Variants in SLC35A2 observed in about 807,000 individuals in gnomAD.
SLC35A2 encodes the protein solute carrier family 35 member A2, also known as UDP-galactose translocator.
A neutral mutation model predicts 17.3 loss-of-function variants in SLC35A2; 1 was observed. The observed-to-expected ratio is 0.06, with a 90% confidence interval of 0.02 to 0.27. The LOEUF (loss-of-function observed/expected upper bound fraction) is 0.27, where lower values mean the gene tolerates loss of function less well. Among genes scored for constraint, SLC35A2 ranks in the 10% least tolerant of loss-of-function variants. SLC35A2 has a pLI of 1.00. For synonymous variants in SLC35A2, 161 were observed against 161.3 expected (o/e 1.00, Z 0.01); for missense variants, 191 against 339.3 (o/e 0.56, Z 3.43).
At chrX:48,906,230 C>T in intron 3 of SLC35A2, 162 bp downstream of exon 3, 1 of 500,385 alleles carries the variant, frequency 2.0e-6, no homozygotes, top group Non-Finnish European at 3.5e-6. Context: ...ATTTCCACCC[C>T]CAATTTTCAC....
chrX:48,904,006 A>C, intron 4 of SLC35A2: 1 of 760,420 alleles, frequency 1.3e-6, no homozygotes. Flanking sequence ...CAGCCACTTC[A>C]AGGACCTCCA....
intron 4 of SLC35A2, chrX:48,904,363 T>G (rs1388888108): frequency 2.2e-5 from 24 of 1,066,993 alleles, no homozygotes; most frequent in Non-Finnish European, 2.5e-5. Flanking sequence ...GTGGAGGGAC[T>G]GCTGGGAGGG....
intron 4 of SLC35A2, chrX:48,904,021 T>C (rs2063465823): frequency 3.9e-6 from 3 of 760,127 alleles, no homozygotes; most frequent in Non-Finnish European, 4.7e-6. Context: ...CCTCCATTTT[T>C]CCCACACCCT....
At chrX:48,906,362 C>A (rs781997019) in intron 3 of SLC35A2, 30 bp downstream of exon 3, 1 of 1,199,612 alleles carries the variant, frequency 8.3e-7, no homozygotes, top group East Asian at 3.0e-5. Context: ...CAGTTAGTTC[C>A]TCTGGGGCCA....
At chrX:48,911,418 GCACACA>G in intron 1 of SLC35A2, 122 bp downstream of exon 1, 15 of 753,534 alleles carry the variant, frequency 2.0e-5, no homozygotes, top group East Asian at 3.8e-5. Context: ...CTGACAATGT[GCACACA>G]CACACACACA....
chrX:48,903,687 C>T (rs189839202), intron 4 of SLC35A2: 1 of 988,680 alleles, frequency 1.0e-6, no homozygotes. Context: ...AAAAACAAAC[C>T]AAAAAATCAG....
At chrX:48,903,982 A>C (rs890466018) in intron 4 of SLC35A2, 1 of 761,499 alleles carries the variant, frequency 1.3e-6, no homozygotes, top group Non-Finnish European at 1.6e-6. Flanking sequence ...CAGTGTCTTA[A>C]ATACAATGAG....
At chrX:48,910,076 TTC>T (rs1602345151) in intron 1 of SLC35A2, 80 bp from the exon 2 acceptor site, 5 of 971,779 alleles carry the variant, frequency 5.1e-6, no homozygotes, top group Non-Finnish European at 7.1e-6. Flanking sequence ...CCCACCCCCT[TTC>T]TTTCTCACCC....
Position 48,905,257 on chromosome X carries a change from C to T in SLC35A2, c.652G>A (p.Val218Ile). 5 of 1,202,498 alleles carry T rather than the reference C, an allele frequency of 4.2e-6. No homozygotes were observed. Among genetic ancestry groups the T allele is most frequent in the Non-Finnish European group, 5.6e-6 (5 of 890,919 alleles). Residue 218 changes from valine (V) to isoleucine (I), a missense_variant, in exon 4 of 5, where the codon GTC (valine) becomes ATC (isoleucine). Transcript: ENST00000247138. ...CCTTTGAGGATCTTCTCAAAGTAGA[C>T]ACCTGCGAAGCCGGAGGAGAGACAG... ...ASCLSSGFAG[V>I]YFEKILKGSS...
At position 48,906,431 on chromosome X, in the gene SLC35A2, C is replaced by T. The variant is rs367573271; in HGVS notation, c.387G>A (p.Gln129=). 8.3e-7 allele frequency: 1 copy of T among 1,210,808 alleles called. No homozygotes were observed. Among genetic ancestry groups the T allele is most frequent in the Non-Finnish European group, 1.1e-6 (1 of 894,661 alleles). The change falls in exon 3 of 5, where the codon CAG becomes CAA. Residue 129 remains glutamine (Q), a synonymous_variant. Transcript: ENST00000247138. ...SLIYTLQNNL[Q]YVAISNLPAA... ...CTGGTAGGTTAGAGATGGCAACATA[C>T]TGGAGGTTATTCTGCAAGGTGTAGA...
At position 48,908,591 on chromosome X, in the gene SLC35A2, G is replaced by A. The variant is rs191306024; in HGVS notation, c.274+1223C>T. On this transcript the variant is annotated intron_variant, in intron 2 of 4. Transcript: ENST00000247138. ...AATTCCGGGCAGGGGAGAGAGGGGT[G>A]CTGAAATTGTGGCTAAGAGATGAAG... Among the ~76,000 whole-genome samples the A allele has an allele frequency of 2.4e-3, 270 of 111,737 alleles. 2 individuals are homozygous for A. The highest frequency in any genetic ancestry group is 2.1e-3 in the Non-Finnish European group (111 of 53,101).
rs782404723 is a variant in SLC35A2, at chrX:48,910,354, C to T, written c.92-358G>A. ...AGAATACCGACAACTACATTCTCCA[C>T]GTTTATTGAGTGTTTACTGTATGCC... is the stretch of plus-strand genomic sequence containing the variant. On this transcript the variant is annotated intron_variant, in intron 1 of 4. Transcript: ENST00000247138. 103 of 978,455 alleles carry T rather than the reference C, an allele frequency of 1.1e-4. 1 individual carries two copies. The Admixed American group carries it at 1.2e-3, about 12-fold the overall frequency. 80.6% of individuals were successfully genotyped at this position (978,455 alleles called of 1,213,427 possible).
Position 48,904,121 on chromosome X carries a change from T to C in SLC35A2, c.1163+625A>G, listed in dbSNP as rs1557042361. 4 of 766,449 alleles carry C rather than the reference T, an allele frequency of 5.2e-6. No homozygotes were observed. In the African/African-American group the frequency reaches 9.2e-5, roughly 18 times the overall value. 63.2% of individuals were successfully genotyped at this position (766,449 alleles called of 1,213,427 possible). On this transcript the variant is annotated intron_variant, in intron 4 of 4. Coordinates refer to ENST00000247138, the MANE Select transcript of SLC35A2 (RefSeq NM_005660.3). ...CCACACCTTCTGCCAGAAGGGCTGA[T>C]GCAAAAATCTTAGCTCTTGTCCCTT...
chrX:48,904,813 C>G lies in SLC35A2; in HGVS notation c.1096G>C (p.Gly366Arg), dbSNP rs782329380. 1 of 1,211,068 alleles carries G rather than the reference C, an allele frequency of 8.3e-7. No homozygotes were observed. The highest frequency in any genetic ancestry group is 1.1e-6 in the Non-Finnish European group (1 of 895,113). ...SGPCVHQQPP[G>R]QPPPPQLSSH... ...GACAGCTGCGGTGGTGGTGGCTGCC[C>G]GGGAGGCTGCTGGTGAACGCAGGGC... The change falls in exon 4 of 5, where the codon GGG (glycine) becomes CGG (arginine). Residue 366 changes from glycine to arginine, a missense_variant. This residue lies in a region of SLC35A2 where 164 missense variants were observed against 315.3 expected (regional missense o/e 0.52). Coordinates refer to ENST00000247138, the MANE Select transcript of SLC35A2 (RefSeq NM_005660.3).
intron 1 of SLC35A2, among the ~76,000 whole-genome samples, chrX:48,910,688 C>G (rs1033385413): frequency 9.0e-6 from 1 of 110,967 alleles, no homozygotes; most frequent in Non-Finnish European, 1.9e-5. Context: ...CCAGAATGGT[C>G]TCTCCAACCC....
intron 4 of SLC35A2, 163 bp downstream of exon 4, chrX:48,904,583 A>G (rs1251177214): frequency 4.2e-6 from 5 of 1,197,871 alleles, no homozygotes. Flanking sequence ...ACACCCCTCC[A>G]GAAGTCTCAG....
At position 48,909,852 on chromosome X, in the gene SLC35A2, C is replaced by A. The variant is rs1057524438; in HGVS notation, c.236G>T (p.Gly79Val). 8 of 1,210,137 alleles carry A rather than the reference C, an allele frequency of 6.6e-6. No homozygotes were observed. Among genetic ancestry groups the A allele is most frequent in the Non-Finnish European group, 8.9e-6 (8 of 894,625 alleles). ...GAAGAGCAGCAGCAGGCAGGTGAGACCTTTGAGCACTTCCGCCATGACCAC... is the reference window on the plus strand; with the variant it reads ...GAAGAGCAGCAGCAGGCAGGTGAGAACTTTGAGCACTTCCGCCATGACCAC... ...TAVVMAEVLK[G>V]LTCLLLLFAQ... Residue 79 changes from glycine to valine, a missense_variant, in exon 2 of 5, where the codon GGT (glycine) becomes GTT (valine). Transcript: ENST00000247138.
At chrX:48,907,984 TGCACTCCA>T (rs1338390662) in intron 2 of SLC35A2, among the ~76,000 whole-genome samples, 3 of 109,926 alleles carry the variant, frequency 2.7e-5, no homozygotes, top group Non-Finnish European at 5.7e-5. Flanking sequence ...ATCGTGCCAT[TGCACTCCA>T]GCTCAGACAA....
At chrX:48,903,546 C>T (rs1210693158) in intron 4 of SLC35A2, 81 bp from the exon 5 acceptor site, 9 of 553,784 alleles carry the variant, frequency 1.6e-5, no homozygotes, top group South Asian at 2.5e-5. Context: ...GTGAGGGCGG[C>T]GGTGGTGAGG....
Sources: gnomAD v4.1 joint callset for allele counts (sites outside exome capture counted in the v4.1 genomes callset) on GRCh38, gnomAD v4.1.1 for gene constraint, gnomAD v4.1.1 regional missense constraint, MANE v1.5 for transcripts, NCBI Gene and HGNC (gene_info 2026-07-23, HGNC 2026-07-21) for gene names.